The following GNAT3 variants were observed in gnomAD, a reference collection of about 807,000 sequenced individuals.
GNAT3 encodes guanine nucleotide-binding protein G(t) subunit alpha-3.
Under a neutral mutation model 37.7 loss-of-function variants are expected in GNAT3, and 31 were observed. That is an observed-to-expected ratio of 0.82 (90% confidence interval 0.62 to 1.11). The LOEUF (loss-of-function observed/expected upper bound fraction) is 1.11, where lower values mean the gene tolerates loss of function less well. Ranked by LOEUF, GNAT3 falls within the 50% of genes most tolerant of loss-of-function variation. The pLI, the probability that GNAT3 is intolerant of heterozygous loss-of-function variation, is 0.00. For missense variants in GNAT3, 437 were observed against 412.5 expected (o/e 1.06, Z -0.51); for synonymous variants, 138 against 139.8 (o/e 0.99, Z 0.09).
At chr7:80,459,172 A>G (rs937214776) in intron 7 of GNAT3, among the ~76,000 whole-genome samples, 1 of 152,136 alleles carries the variant, frequency 6.6e-6, no homozygotes, top group Non-Finnish European at 1.5e-5. Context: ...GGGTATGGGT[A>G]TGGGTGTTTT....
chr7:80,509,486 C>T (rs1791014936), intron 1 of GNAT3, among the ~76,000 whole-genome samples: 1 of 152,030 alleles, frequency 6.6e-6, no homozygotes, highest in Non-Finnish European at 1.5e-5. Context: ...ATTGTAAACA[C>T]CTTGGGAAAG....
intron 5 of GNAT3, among the ~76,000 whole-genome samples, chr7:80,466,828 T>C: frequency 6.6e-6 from 1 of 152,132 alleles, no homozygotes; most frequent in African/African-American, 2.4e-5. Flanking sequence ...CTACTAATGA[T>C]GTGTTAACAG....
At chr7:80,474,872 T>C (rs1790279140) in intron 4 of GNAT3, among the ~76,000 whole-genome samples, 1 of 152,176 alleles carries the variant, frequency 6.6e-6, no homozygotes, top group African/African-American at 2.4e-5. Flanking sequence ...ATTTAGGCAT[T>C]TTCGGTTTTA....
intron 7 of GNAT3, among the ~76,000 whole-genome samples, chr7:80,460,230 C>T (rs965051992): frequency 6.6e-6 from 1 of 152,040 alleles, no homozygotes; most frequent in Non-Finnish European, 1.5e-5. Context: ...GAAAATGCTA[C>T]ATGTCATATG....
At chr7:80,488,723 T>C in intron 2 of GNAT3, 47 bp from the exon 3 acceptor site, 1 of 1,408,144 alleles carries the variant, frequency 7.1e-7, no homozygotes. Flanking sequence ...TAATTGATTG[T>C]AACACTAAAG....
At chr7:80,484,483 T>C (rs1035432496) in intron 3 of GNAT3, among the ~76,000 whole-genome samples, 2 of 152,006 alleles carry the variant, frequency 1.3e-5, no homozygotes, top group Non-Finnish European at 2.9e-5. Flanking sequence ...TATTGTAGAG[T>C]TTACTTTGTA....
At chr7:80,479,094 T>A (rs1363569120) in intron 3 of GNAT3, 96 bp from the exon 4 acceptor site, 4 of 865,908 alleles carry the variant, frequency 4.6e-6, no homozygotes, top group Non-Finnish European at 6.9e-6. Flanking sequence ...TTTAATCTTA[T>A]TCTTTTAGCT....
rs562919747 is a variant in GNAT3 at position 80,476,857 on chromosome 7, GA to G, written c.461+1983del. 6.9e-3 allele frequency among the ~76,000 whole-genome samples: 1,007 copies of G among 145,114 alleles called. 11 individuals carry two copies. The highest frequency in any genetic ancestry group is 0.024 in the African/African-American group (938 of 39,780). ...TTCCTTTTAAGGACACCTAAGAGCA[GA>G]AAAAAAAAACCACTTTATTATTATT... is the stretch of plus-strand genomic sequence containing the variant. On this transcript the variant is annotated intron_variant, in intron 4 of 7. Transcript: ENST00000398291.
At chr7:80,488,786 G>A (rs1790536369) in intron 2 of GNAT3, 110 bp from the exon 3 acceptor site, 1 of 721,388 alleles carries the variant, frequency 1.4e-6, no homozygotes, top group African/African-American at 1.8e-5. Flanking sequence ...CATTAAAAAG[G>A]AATTTTGACC....
At position 80,511,837 on chromosome 7, in the gene GNAT3, A is replaced by G. The variant is rs1791070788; in HGVS notation, c.90T>C (p.Asp30=). The G allele has an allele frequency of 6.2e-7, 1 of 1,611,742 alleles. No homozygotes were observed. Among genetic ancestry groups the G allele is most frequent in the Non-Finnish European group, 8.5e-7 (1 of 1,178,526 alleles). Residue 30 remains aspartate, a synonymous_variant, in exon 1 of 8, where the codon GAT becomes GAC. Coordinates refer to ENST00000398291, the MANE Select transcript of GNAT3 (RefSeq NM_001102386.3). ...EKKLQEDAER[D]ARTVKLLLLG... is the part of the protein sequence containing the mutation. ...ATAGTAGCAGCTTTACGGTTCTTGC[A>G]TCTCGCTCAGCATCCTCCTGAAGCT...
At chr7:80,499,079 A>G (rs572019978) in intron 1 of GNAT3, among the ~76,000 whole-genome samples, 1 of 151,598 alleles carries the variant, frequency 6.6e-6, no homozygotes, top group East Asian at 1.9e-4. Flanking sequence ...CACACATAAG[A>G]TTTTTTTTTG....
intron 4 of GNAT3, among the ~76,000 whole-genome samples, chr7:80,474,700 A>G (rs1367963279): frequency 6.6e-6 from 1 of 152,102 alleles, no homozygotes; most frequent in Non-Finnish European, 1.5e-5. Flanking sequence ...CTAAATCAAC[A>G]TTGCCTTAAC....
At chr7:80,468,134 A>T (rs984698653) in intron 5 of GNAT3, among the ~76,000 whole-genome samples, 1 of 152,058 alleles carries the variant, frequency 6.6e-6, no homozygotes, top group Non-Finnish European at 1.5e-5. Context: ...AGGGCAAACC[A>T]TCAGAGTTTT....
intron 1 of GNAT3, among the ~76,000 whole-genome samples, chr7:80,501,238 G>T (rs1790827681): frequency 1.3e-5 from 2 of 151,854 alleles, no homozygotes; most frequent in Admixed American, 1.3e-4. Flanking sequence ...AGAAGTTCAA[G>T]AATATAGTGT....
intron 5 of GNAT3, among the ~76,000 whole-genome samples, chr7:80,465,035 G>A (rs745938307): frequency 1.3e-5 from 2 of 151,890 alleles, no homozygotes; most frequent in African/African-American, 2.4e-5. Context: ...TTGACTTTAC[G>A]GTTATATTAT....
At chr7:80,481,974 G>A (rs747862809) in intron 3 of GNAT3, among the ~76,000 whole-genome samples, 1 of 152,172 alleles carries the variant, frequency 6.6e-6, no homozygotes, top group Non-Finnish European at 1.5e-5. Context: ...TCTGGACCTT[G>A]CATGTATTGA....
chr7:80,462,086 G>A (rs776813050), intron 7 of GNAT3, 73 bp downstream of exon 7: 1 of 966,008 alleles, frequency 1.0e-6, no homozygotes, highest in Non-Finnish European at 1.5e-6. Flanking sequence ...AGTATTAAAT[G>A]TCAAGATCCA....
chr7:80,499,383 CT>C (rs1229616640), intron 1 of GNAT3, among the ~76,000 whole-genome samples: 1 of 152,110 alleles, frequency 6.6e-6, no homozygotes, highest in Non-Finnish European at 1.5e-5. Context: ...GAGCGGTGTA[CT>C]TTTTTTGTTG....
At chr7:80,474,127 C>A in intron 5 of GNAT3, 124 bp downstream of exon 5, 1 of 881,316 alleles carries the variant, frequency 1.1e-6, no homozygotes, top group Admixed American at 2.5e-5. Context: ...TGAAGGTAAA[C>A]TAGAGCTAGT....
Sources: allele counts gnomAD v4.1 joint callset (sites outside exome capture counted in the v4.1 genomes callset), GRCh38; gene constraint gnomAD v4.1.1; transcripts MANE v1.5; gene names NCBI Gene and HGNC (gene_info 2026-07-23, HGNC 2026-07-21).